The following GATAD2A variants were observed in gnomAD, a reference collection of about 807,000 sequenced individuals.
GATAD2A encodes transcriptional repressor p66-alpha.
A neutral mutation model predicts 68.5 loss-of-function variants in GATAD2A; 12 were observed. That is an observed-to-expected ratio of 0.18 (90% CI 0.11 to 0.28). The LOEUF (loss-of-function observed/expected upper bound fraction) is 0.28, where lower values mean the gene tolerates loss of function less well. GATAD2A is among the 10% of genes least tolerant of loss of function. The pLI is 1.00. For synonymous variants in GATAD2A, 410 were observed against 375.3 expected, an observed-to-expected ratio of 1.09 and a Z score of -1.07; for missense variants, 755 against 868.5, an observed-to-expected ratio of 0.87 and a Z score of 1.64.
At position 19,440,907 on chromosome 19, in the gene GATAD2A, CT is replaced by C. The variant is rs1299089196; in HGVS notation, c.-6-24430del. On this transcript the variant is annotated intron_variant, in intron 1 of 11. Coordinates refer to ENST00000683918, the MANE Select transcript of GATAD2A (RefSeq NM_001384528.1). Reference sequence around the variant, plus strand: ...TTTATTTCCTTCTTTCCTTCCCTTCCTTTCCTTCCTTCCCTTTCCTTCCTTT... The same window carrying C: ...TTTATTTCCTTCTTTCCTTCCCTTCCTTCCTTCCTTCCCTTTCCTTCCTTT... 1.1e-3 allele frequency among the ~76,000 whole-genome samples: 162 copies of C among 150,080 alleles called. No individual in the cohort carries two copies. In the East Asian group the frequency reaches 0.012, roughly 11 times the overall value.
At chr19:19,493,511 C>T (rs1320989118) in intron 4 of GATAD2A, among the ~76,000 whole-genome samples, 2 of 152,172 alleles carry the variant, frequency 1.3e-5, no homozygotes, top group Admixed American at 6.5e-5. Context: ...CTCGCTGTTG[C>T]GCTGCTTCTA....
At chr19:19,469,016 G>T (rs1476029911) in intron 2 of GATAD2A, among the ~76,000 whole-genome samples, 2 of 152,192 alleles carry the variant, frequency 1.3e-5, no homozygotes, top group East Asian at 1.9e-4. Context: ...AGCAATATTG[G>T]AGCAAAATTT....
intron 1 of GATAD2A, among the ~76,000 whole-genome samples, chr19:19,434,290 G>A (rs4808199): frequency 0.19 from 28,892 of 151,994 alleles, 2,970 homozygotes; most frequent in South Asian, 0.33. Context: ...GGGCAGAGAG[G>A]TCTTGGATTG....
intron 1 of GATAD2A, among the ~76,000 whole-genome samples, chr19:19,412,048 G>T (rs531029547): frequency 1.3e-4 from 20 of 151,576 alleles, no homozygotes; most frequent in Admixed American, 2.6e-4. Context: ...AGACCCGCCT[G>T]GGCAATGTAG....
At chr19:19,477,560 G>T (rs1161914758) in intron 2 of GATAD2A, among the ~76,000 whole-genome samples, 1 of 152,140 alleles carries the variant, frequency 6.6e-6, no homozygotes, top group Non-Finnish European at 1.5e-5. Flanking sequence ...TGGTGCACCG[G>T]GTGCAGGGGT....
chr19:19,452,176 T>C (rs2056458943), intron 1 of GATAD2A, among the ~76,000 whole-genome samples: 2 of 152,210 alleles, frequency 1.3e-5, no homozygotes, highest in South Asian at 4.1e-4. Flanking sequence ...TCCCACTGTT[T>C]CCTTTGTCTG....
intron 2 of GATAD2A, among the ~76,000 whole-genome samples, chr19:19,479,775 G>C (rs999856409): frequency 4.7e-5 from 7 of 150,114 alleles, no homozygotes; most frequent in African/African-American, 1.7e-4. Context: ...TCCTTCCCCT[G>C]CTCCACCATT....
chr19:19,433,337 A>G (rs1466586184), intron 1 of GATAD2A, among the ~76,000 whole-genome samples: 1 of 152,114 alleles, frequency 6.6e-6, no homozygotes, highest in Non-Finnish European at 1.5e-5. Context: ...GTCTTGATGT[A>G]GCTTTATGTT....
intron 1 of GATAD2A, among the ~76,000 whole-genome samples, chr19:19,418,112 TGAGCTAGGTCCTG>T (rs1468601096): frequency 6.6e-6 from 1 of 152,128 alleles, no homozygotes; most frequent in Non-Finnish European, 1.5e-5. Flanking sequence ...TTAGGGGTAG[TGAGCTAGGTCCTG>T]GAGGGTGCTC....
rs1173605056 is a variant in GATAD2A at position 19,412,133 on chromosome 19, CT to C, written c.-7+6123del. Among the ~76,000 whole-genome samples the C allele has an allele frequency of 1.4e-3, 211 of 148,882 alleles. 3 individuals are homozygous for C. The highest frequency in any genetic ancestry group is 5.0e-3 in the African/African-American group (204 of 40,606). On this transcript the variant is annotated intron_variant, in intron 1 of 11. Transcript: ENST00000683918. The stretch of plus-strand genomic sequence containing the variant: ...TCTCAGGCCGCTTTTTTTTCTCTCT[CT>C]TTTTTTTTAATTTTTAATTTTTTTT...
chr19:19,410,294 G>A (rs930630266), intron 1 of GATAD2A, among the ~76,000 whole-genome samples: 3 of 151,670 alleles, frequency 2.0e-5, no homozygotes, highest in Admixed American at 2.0e-4. Context: ...GTACTCTAAA[G>A]GAGGGCTCCC....
chr19:19,487,004 G>A (rs2059483610), intron 2 of GATAD2A, among the ~76,000 whole-genome samples: 1 of 152,212 alleles, frequency 6.6e-6, no homozygotes, highest in Non-Finnish European at 1.5e-5. Context: ...GGGCAAGGGT[G>A]GCCAGTGAGC....
chr19:19,418,954 A>C (rs1683878462), intron 1 of GATAD2A, among the ~76,000 whole-genome samples: 1 of 152,196 alleles, frequency 6.6e-6, no homozygotes, highest in Admixed American at 6.5e-5. Context: ...GTGAAGTATC[A>C]GATGAGTTAG....
intron 4 of GATAD2A, 52 bp downstream of exon 4, chr19:19,492,764 C>T: frequency 3.1e-6 from 5 of 1,589,466 alleles, no homozygotes; most frequent in Non-Finnish European, 4.3e-6. Flanking sequence ...CCTGGCCTTG[C>T]CTTGATCCCC....
chr19:19,500,054 C>T (rs2060422841), intron 8 of GATAD2A, among the ~76,000 whole-genome samples: 1 of 152,240 alleles, frequency 6.6e-6, no homozygotes, highest in African/African-American at 2.4e-5. Flanking sequence ...CGGGCATCCG[C>T]TCTCCCAGAC....
At chr19:19,464,915 A>G (rs1253067280) in intron 1 of GATAD2A, 1 of 274,870 alleles carries the variant, frequency 3.6e-6, no homozygotes, top group African/African-American at 2.2e-5. Flanking sequence ...GGAACAGTGC[A>G]GTCACCGCCC....
chr19:19,408,126 AG>A (rs1398183855), intron 1 of GATAD2A, among the ~76,000 whole-genome samples: 1 of 152,124 alleles, frequency 6.6e-6, no homozygotes, highest in African/African-American at 2.4e-5. Flanking sequence ...CAGCCTCCCG[AG>A]TAGTTGGGAC....
At chr19:19,418,420 A>G (rs1018734393) in intron 1 of GATAD2A, among the ~76,000 whole-genome samples, 3 of 152,200 alleles carry the variant, frequency 2.0e-5, no homozygotes, top group African/African-American at 7.2e-5. Context: ...TACATTGGAA[A>G]AGTTTGTTCT....
At chr19:19,414,702 C>T (rs1600058473) in intron 1 of GATAD2A, among the ~76,000 whole-genome samples, 1 of 140,106 alleles carries the variant, frequency 7.1e-6, no homozygotes, top group African/African-American at 2.6e-5. Context: ...ACGCCCAGCT[C>T]TTTTTTTTTT....
Sources: gnomAD v4.1 joint callset for allele counts (sites outside exome capture counted in the v4.1 genomes callset) on GRCh38, gnomAD v4.1.1 for gene constraint, MANE v1.5 for transcripts, NCBI Gene and HGNC (gene_info 2026-07-23, HGNC 2026-07-21) for gene names.